The following RAB3B variants were observed in gnomAD, a reference collection of about 807,000 sequenced individuals.
RAB3B encodes the protein ras-related protein Rab-3B.
RAB3B carries 11 observed loss-of-function variants against 20.5 expected under a neutral mutation model. The observed-to-expected ratio is 0.54, with a 90% CI of 0.34 to 0.89. The LOEUF (loss-of-function observed/expected upper bound fraction) is 0.89. Ranked by LOEUF, RAB3B falls within the 40% of genes least tolerant of loss-of-function variation. The pLI is 0.02. For synonymous variants in RAB3B, 99 were observed against 106.3 expected (o/e 0.93, Z 0.42); for missense variants, 225 against 280.9 (o/e 0.80, Z 1.42).
intron 4 of RAB3B, among the ~76,000 whole-genome samples, chr1:51,932,896 A>G (rs1684345902): frequency 6.6e-6 from 1 of 152,184 alleles, no homozygotes; most frequent in South Asian, 2.1e-4. Context: ...CAGGTGTCCA[A>G]GAACTTAATA....
chr1:51,964,334 A>G (rs1191679195), intron 2 of RAB3B, among the ~76,000 whole-genome samples: 3 of 152,050 alleles, frequency 2.0e-5, no homozygotes, highest in Non-Finnish European at 4.4e-5. Flanking sequence ...TTCTCATTTC[A>G]GTTGCTCTTT....
chr1:51,981,289 A>C lies in RAB3B; in HGVS notation c.1-4172T>G, dbSNP rs574991460. Among the ~76,000 whole-genome samples the C allele has an allele frequency of 3.2e-3, 484 of 152,260 alleles. 2 individuals are homozygous for C. The highest frequency in any genetic ancestry group is 0.011 in the African/African-American group (455 of 41,532). On this transcript the variant is annotated intron_variant, in intron 1 of 4. Transcript: ENST00000371655. ...GTGATCTGCCCTCCGTGGCCTCCCA[A>C]AGTGCTAGAATTACAGGCGAGAGCC... is the stretch of plus-strand genomic sequence containing the variant.
At chr1:51,938,821 C>T (rs985153472) in intron 2 of RAB3B, among the ~76,000 whole-genome samples, 1 of 151,438 alleles carries the variant, frequency 6.6e-6, no homozygotes, top group African/African-American at 2.4e-5. Flanking sequence ...CCACCACACC[C>T]GGCTAATTTT....
intron 2 of RAB3B, among the ~76,000 whole-genome samples, chr1:51,970,862 T>A (rs1304388952): frequency 1.3e-5 from 2 of 149,164 alleles, no homozygotes; most frequent in South Asian, 2.1e-4. Context: ...AAAAAAAAAA[T>A]TAGCTGGGCT....
chr1:51,938,677 A>AT (rs577123717), intron 2 of RAB3B, among the ~76,000 whole-genome samples: 74,305 of 143,488 alleles, frequency 0.52, 19,294 homozygotes, highest in Non-Finnish European at 0.55. Flanking sequence ...TCTTCATGTA[A>AT]TTTTTTTTTT....
chr1:51,916,540 C>T lies in RAB3B; in HGVS notation c.*3387G>A, dbSNP rs1266243136. On this transcript the variant is annotated 3_prime_UTR_variant, in exon 5 of 5. Coordinates refer to ENST00000371655, the MANE Select transcript of RAB3B (RefSeq NM_002867.4). ...ACAGTGTAAAAATCACACCCAGAAC[C>T]ACTGCCCTCTGAAGCAACTGTATTA... The T allele has an allele frequency of 6.6e-6, 1 of 152,206 alleles. No individual in the cohort carries two copies. The highest frequency in any genetic ancestry group is 1.5e-5 in the Non-Finnish European group (1 of 68,036). The allele number at this position is 152,206 out of a possible 1,614,324, so 9.4% of individuals were successfully genotyped here.
At chr1:51,978,011 C>T (rs1417849482) in intron 1 of RAB3B, among the ~76,000 whole-genome samples, 1 of 152,156 alleles carries the variant, frequency 6.6e-6, no homozygotes, top group East Asian at 1.9e-4. Flanking sequence ...TTATTCCTTG[C>T]CTTTGTCCCT....
At chr1:51,970,084 C>CA (rs1684907861) in intron 2 of RAB3B, among the ~76,000 whole-genome samples, 2 of 147,994 alleles carry the variant, frequency 1.4e-5, no homozygotes, top group African/African-American at 2.5e-5. Flanking sequence ...AAAAAAAACC[C>CA]AAAAAACAAA....
rs894403171 is a variant in RAB3B, at chr1:51,918,216, G to A, written c.*1711C>T. On this transcript the variant is annotated 3_prime_UTR_variant, in exon 5 of 5. Transcript: ENST00000371655. The stretch of plus-strand genomic sequence containing the variant: ...AAGGTTTCACTCCCAGGAGAAAGGG[G>A]TTGGGATCGGGATCTCTGAGTTCAA... 2 of 152,186 alleles carry A rather than the reference G, an allele frequency of 1.3e-5. No homozygotes were observed. Among genetic ancestry groups the A allele is most frequent in the African/African-American group, 4.8e-5 (2 of 41,442 alleles). 9.4% of individuals were successfully genotyped at this position (152,186 alleles called of 1,614,324 possible). A position where few individuals can be genotyped will look rare whatever the true frequency, so the allele number is the denominator to read the frequency against.
At chr1:51,971,699 C>T (rs974053832) in intron 2 of RAB3B, among the ~76,000 whole-genome samples, 5 of 151,984 alleles carry the variant, frequency 3.3e-5, no homozygotes, top group Non-Finnish European at 7.4e-5. Flanking sequence ...CCCAAAGTGC[C>T]GGATTACAGG....
At chr1:51,978,435 A>G (rs891587087) in intron 1 of RAB3B, among the ~76,000 whole-genome samples, 3 of 152,186 alleles carry the variant, frequency 2.0e-5, no homozygotes, top group African/African-American at 4.8e-5. Flanking sequence ...TTATTATTCC[A>G]AAGCCTTCAA....
At chr1:51,956,022 G>T (rs1054234378) in intron 2 of RAB3B, among the ~76,000 whole-genome samples, 1 of 152,192 alleles carries the variant, frequency 6.6e-6, no homozygotes, top group East Asian at 1.9e-4. Context: ...TCTGAGGAGC[G>T]AGGAAGAGCC....
chr1:51,924,123 A>G (rs912924816), intron 4 of RAB3B, among the ~76,000 whole-genome samples: 1 of 152,162 alleles, frequency 6.6e-6, no homozygotes, highest in Non-Finnish European at 1.5e-5. Context: ...GGAGGTGGGA[A>G]TGAGCAAGGA....
At chr1:51,935,183 C>A (rs1044397116) in intron 3 of RAB3B, among the ~76,000 whole-genome samples, 15 of 152,182 alleles carry the variant, frequency 9.9e-5, no homozygotes, top group South Asian at 4.1e-4. Flanking sequence ...CTGACTCTAC[C>A]CTGACACTGA....
chr1:51,980,055 TTAAC>T (rs1030268907), intron 1 of RAB3B, among the ~76,000 whole-genome samples: 23 of 151,380 alleles, frequency 1.5e-4, no homozygotes, highest in Admixed American at 1.1e-3. Flanking sequence ...AAAAAAAAAA[TTAAC>T]TGACATCCCA....
intron 2 of RAB3B, among the ~76,000 whole-genome samples, chr1:51,965,348 T>C (rs745658979): frequency 2.6e-5 from 4 of 152,178 alleles, no homozygotes; most frequent in Non-Finnish European, 5.9e-5. Flanking sequence ...TGAACTATAC[T>C]GTTTAAAAGG....
intron 2 of RAB3B, among the ~76,000 whole-genome samples, chr1:51,942,343 A>G (rs1490930643): frequency 3.3e-5 from 5 of 152,196 alleles, no homozygotes; most frequent in African/African-American, 1.2e-4. Context: ...ATCCCAACTA[A>G]TTAGAAATTC....
chr1:51,928,437 C>T (rs931925392), intron 4 of RAB3B, among the ~76,000 whole-genome samples: 1 of 152,172 alleles, frequency 6.6e-6, no homozygotes, highest in Non-Finnish European at 1.5e-5. Context: ...AATTGTTGGC[C>T]ATATCAATAG....
At chr1:51,929,247 T>C (rs1369331057) in intron 4 of RAB3B, among the ~76,000 whole-genome samples, 1 of 152,184 alleles carries the variant, frequency 6.6e-6, no homozygotes, top group Non-Finnish European at 1.5e-5. Context: ...GCTGAGGGGA[T>C]AAGTAAAGCT....
Sources: gnomAD v4.1 joint callset for allele counts (sites outside exome capture counted in the v4.1 genomes callset) on GRCh38, gnomAD v4.1.1 for gene constraint, MANE v1.5 for transcripts, NCBI Gene and HGNC (gene_info 2026-07-23, HGNC 2026-07-21) for gene names.